The following RCL1 variants were observed in gnomAD, a reference collection of about 807,000 sequenced individuals.
The protein encoded by RCL1 is RNA terminal phosphate cyclase like 1.
In RCL1, 24 loss-of-function variants were observed where a neutral mutation model predicts 42.4. The ratio of observed to expected loss-of-function variants is 0.57; its 90% CI spans 0.41 to 0.80. RCL1 has a LOEUF of 0.80. Among genes scored for constraint, RCL1 ranks in the 30% least tolerant of loss-of-function variants. RCL1 has a pLI of 0.00. For synonymous variants in RCL1, 228 were observed against 177.3 expected, an observed-to-expected ratio of 1.29 and a Z score of -2.27; for missense variants, 578 against 467.9, an observed-to-expected ratio of 1.24 and a Z score of -2.17.
chr9:4,818,494 C>T (rs149535388), intron 1 of RCL1, among the ~76,000 whole-genome samples: 16 of 152,196 alleles, frequency 1.1e-4, no homozygotes, highest in Admixed American at 3.3e-4. Flanking sequence ...TATGTGTTTG[C>T]AATGTCTACC....
intron 4 of RCL1, 136 bp from the exon 5 acceptor site, chr9:4,834,005 G>A (rs938553497): frequency 6.3e-6 from 6 of 959,228 alleles, no homozygotes; most frequent in South Asian, 1.7e-5. Flanking sequence ...TGGTCTTGAA[G>A]GGAATGACAG....
chr9:4,851,010 GT>G (rs1321996827), intron 8 of RCL1, among the ~76,000 whole-genome samples: 3 of 151,878 alleles, frequency 2.0e-5, no homozygotes, highest in Non-Finnish European at 2.9e-5. Flanking sequence ...ATACATATAT[GT>G]TTTTTTTCGT....
chr9:4,802,074 A>ATTTTTTTTTTTTTTT (rs34756856), intron 1 of RCL1, among the ~76,000 whole-genome samples: 3 of 95,458 alleles, frequency 3.1e-5, no homozygotes, highest in Non-Finnish European at 4.2e-5. Flanking sequence ...ACGCCTGGCT[A>ATTTTTTTTTTTTTTT]TTTTTTTTTT....
chr9:4,833,127 C>T (rs1474599569), intron 3 of RCL1, 27 bp from the exon 4 acceptor site: 1 of 1,552,298 alleles, frequency 6.4e-7, no homozygotes. Context: ...CTTAATTAAA[C>T]TTTTCTTTTC....
chr9:4,806,072 G>GTGTA (rs1815949684), intron 1 of RCL1, among the ~76,000 whole-genome samples: 1 of 151,252 alleles, frequency 6.6e-6, no homozygotes, highest in African/African-American at 2.4e-5. Flanking sequence ...GTTTGTGTGT[G>GTGTA]TATGTTTATC....
intron 1 of RCL1, among the ~76,000 whole-genome samples, chr9:4,795,971 G>A (rs1842907012): frequency 1.3e-5 from 2 of 152,182 alleles, no homozygotes; most frequent in South Asian, 4.1e-4. Context: ...GGAGTTCAGA[G>A]CAGACACTTC....
intron 8 of RCL1, among the ~76,000 whole-genome samples, chr9:4,854,874 T>G (rs1817882458): frequency 6.6e-6 from 1 of 151,898 alleles, no homozygotes; most frequent in Admixed American, 6.6e-5. Flanking sequence ...GGCCAACATG[T>G]GAAACCCCGT....
At chr9:4,821,825 A>G (rs1033449686) in intron 1 of RCL1, among the ~76,000 whole-genome samples, 1 of 152,196 alleles carries the variant, frequency 6.6e-6, no homozygotes, top group African/African-American at 2.4e-5. Flanking sequence ...ATAATAATAA[A>G]TCCACTCCTG....
At chr9:4,829,857 A>G (rs1424140659) in intron 3 of RCL1, among the ~76,000 whole-genome samples, 2 of 152,210 alleles carry the variant, frequency 1.3e-5, no homozygotes, top group African/African-American at 2.4e-5. Context: ...GGTGAGTAGC[A>G]GCTGCCTTTT....
At chr9:4,805,217 C>G (rs948648428) in intron 1 of RCL1, among the ~76,000 whole-genome samples, 2 of 151,874 alleles carry the variant, frequency 1.3e-5, no homozygotes, top group African/African-American at 4.8e-5. Flanking sequence ...ATAAGCAAAA[C>G]AAAAAAAACA....
chr9:4,830,593 A>G lies in RCL1; in HGVS notation c.385-2561A>G, dbSNP rs1311714743. On this transcript the variant is annotated intron_variant, in intron 3 of 8. Coordinates refer to ENST00000381750, the MANE Select transcript of RCL1 (RefSeq NM_005772.5). ...TTGTTGGTGCCAACAAGCTGCTCCA[A>G]TGGTGGATGAAGATTCCATTCTTTT... Among the ~76,000 whole-genome samples the G allele has an allele frequency of 3.3e-5, 5 of 152,344 alleles. No homozygotes were observed. In the East Asian group the frequency reaches 9.6e-4, roughly 29 times the overall value.
chr9:4,813,168 C>G (rs1460427087), intron 1 of RCL1, among the ~76,000 whole-genome samples: 2 of 152,096 alleles, frequency 1.3e-5, no homozygotes, highest in Non-Finnish European at 2.9e-5. Context: ...AGAGGAAAAG[C>G]TTTAAAATTT....
At chr9:4,849,699 C>T in intron 8 of RCL1, 149 bp downstream of exon 8, 1 of 615,082 alleles carries the variant, frequency 1.6e-6, no homozygotes, top group Non-Finnish European at 2.9e-6. Context: ...TCACTCTTAA[C>T]CTGGTGTTTA....
intron 6 of RCL1, among the ~76,000 whole-genome samples, chr9:4,843,120 G>T (rs371860346): frequency 6.6e-6 from 1 of 152,154 alleles, no homozygotes; most frequent in Non-Finnish European, 1.5e-5. Flanking sequence ...TTTGTGTTTG[G>T]TTTTTTTAAA....
chr9:4,822,649 C>G (rs1816633322), intron 1 of RCL1, among the ~76,000 whole-genome samples: 1 of 151,976 alleles, frequency 6.6e-6, no homozygotes, highest in Admixed American at 6.6e-5. Flanking sequence ...GAGACCCTAT[C>G]TCTACAAAAA....
intron 7 of RCL1, among the ~76,000 whole-genome samples, chr9:4,848,671 C>T (rs931605299): frequency 3.9e-5 from 6 of 152,058 alleles, no homozygotes; most frequent in African/African-American, 4.8e-5. Flanking sequence ...CTTATGTATG[C>T]GTCTAGTGGA....
rs759361386 is a variant in RCL1, at chr9:4,793,200, G to A, written c.109G>A (p.Ala37Thr). Residue 37 changes from alanine to threonine, a missense_variant, in exon 1 of 9, where the codon GCC becomes ACC. Transcript: ENST00000381750. Reference protein sequence around the residue: ...GRPVKIRKIRARDDNPGLRDF... With the variant: ...GRPVKIRKIRTRDDNPGLRDF... ...CCCCGTCAAAATCCGAAAGATTCGGGCCAGAGACGACAACCCGGGCCTCCG... is the reference window on the plus strand; with the variant it reads ...CCCCGTCAAAATCCGAAAGATTCGGACCAGAGACGACAACCCGGGCCTCCG... The A allele has an allele frequency of 6.2e-7, 1 of 1,606,812 alleles. No individual in the cohort carries two copies.
intron 3 of RCL1, among the ~76,000 whole-genome samples, chr9:4,828,682 C>T (rs1003529390): frequency 1.3e-5 from 2 of 151,872 alleles, no homozygotes; most frequent in African/African-American, 4.8e-5. Flanking sequence ...CTGAAGTGTA[C>T]AGCAGTGTGT....
intron 6 of RCL1, among the ~76,000 whole-genome samples, chr9:4,841,973 G>A (rs1171270738): frequency 1.3e-5 from 2 of 152,160 alleles, no homozygotes; most frequent in African/African-American, 2.4e-5. Flanking sequence ...AGTTAGAGAA[G>A]CAATTAAAGC....
Sources: gnomAD v4.1 joint callset for allele counts (sites outside exome capture counted in the v4.1 genomes callset) on GRCh38, gnomAD v4.1.1 for gene constraint, MANE v1.5 for transcripts, NCBI Gene and HGNC (gene_info 2026-07-23, HGNC 2026-07-21) for gene names.